STX6: variants seen among roughly 807,000 people sequenced by gnomAD.
STX6 encodes the protein syntaxin 6, also known as syntaxin-6.
A neutral mutation model predicts 38.0 loss-of-function variants in STX6; 23 were observed. That is an observed-to-expected ratio of 0.60 (90% CI 0.43 to 0.86). The LOEUF (loss-of-function observed/expected upper bound fraction) is 0.86. Ranked by LOEUF, STX6 falls within the 40% of genes least tolerant of loss-of-function variation. The probability of loss-of-function intolerance (pLI) is 0.00; values close to 1 mark genes in which losing one functional copy is unlikely to be tolerated. For missense variants in STX6, 274 were observed against 312.9 expected, an observed-to-expected ratio of 0.88 and a Z score of 0.94; for synonymous variants, 123 against 107.5, an observed-to-expected ratio of 1.14 and a Z score of -0.89.
At chr1:181,005,632 C>CT (rs1261836349) in intron 1 of STX6, among the ~76,000 whole-genome samples, 169 bp from the exon 2 acceptor site, 1 of 152,232 alleles carries the variant, frequency 6.6e-6, no homozygotes, top group Non-Finnish European at 1.5e-5. Context: ...GATACACAGT[C>CT]TGAGTATTAT....
intron 7 of STX6, among the ~76,000 whole-genome samples, chr1:180,983,311 A>C (rs986482984): frequency 1.1e-4 from 16 of 152,230 alleles, no homozygotes; most frequent in African/African-American, 3.9e-4. Context: ...ACAGAAGAAA[A>C]GGTGTCAAGA....
At chr1:181,018,375 T>G (rs1571357784) in intron 1 of STX6, among the ~76,000 whole-genome samples, 1 of 84,532 alleles carries the variant, frequency 1.2e-5, no homozygotes, top group African/African-American at 5.0e-5. Context: ...GGCGACAGAG[T>G]AAGACTCTGT....
chr1:181,001,629 C>T (rs539135015), intron 3 of STX6, among the ~76,000 whole-genome samples: 51 of 152,106 alleles, frequency 3.4e-4, no homozygotes, highest in Non-Finnish European at 5.1e-4. Context: ...CGGAAGAGGC[C>T]GCTATCCAAA....
intron 2 of STX6, among the ~76,000 whole-genome samples, chr1:181,004,536 G>A (rs547926783): frequency 1.3e-5 from 2 of 152,324 alleles, no homozygotes; most frequent in South Asian, 4.1e-4. Flanking sequence ...ACAGAGTTCA[G>A]GAAGCTTCCA....
chr1:180,998,560 T>C (rs1655983269), intron 3 of STX6, among the ~76,000 whole-genome samples: 2 of 152,006 alleles, frequency 1.3e-5, no homozygotes, highest in African/African-American at 4.8e-5. Context: ...TTTGTATTTT[T>C]AGTAGAGACA....
chr1:181,017,721 T>C (rs1006955753), intron 1 of STX6, among the ~76,000 whole-genome samples: 1 of 152,152 alleles, frequency 6.6e-6, no homozygotes, highest in Non-Finnish European at 1.5e-5. Context: ...GATTTAAATA[T>C]GATATTTTCA....
At chr1:180,995,031 C>T (rs1259754321) in intron 3 of STX6, among the ~76,000 whole-genome samples, 7 of 151,210 alleles carry the variant, frequency 4.6e-5, no homozygotes, top group Admixed American at 2.6e-4. Flanking sequence ...GACGTAATCT[C>T]GGCTCACTGC....
At chr1:180,985,244 T>C (rs1655541129) in intron 6 of STX6, among the ~76,000 whole-genome samples, 1 of 152,288 alleles carries the variant, frequency 6.6e-6, no homozygotes, top group Non-Finnish European at 1.5e-5. Context: ...GGCAGTGCAA[T>C]GTGGTAGAAA....
chr1:180,985,109 G>A (rs886310508), intron 6 of STX6, among the ~76,000 whole-genome samples: 2 of 151,354 alleles, frequency 1.3e-5, no homozygotes, highest in African/African-American at 4.9e-5. Flanking sequence ...TTCAGGTAAG[G>A]TTTTTCTGTA....
At chr1:180,980,713 CCTGG>C (rs936179403) in intron 7 of STX6, 21 of 152,106 alleles carry the variant, frequency 1.4e-4, no homozygotes, top group African/African-American at 5.1e-4. Flanking sequence ...CGCCACCACG[CCTGG>C]CTAATTTGCA....
In STX6 at chr1:180,973,692, A is replaced by G. The variant is rs1655179043; in HGVS notation, c.*2878T>C. On this transcript the variant is annotated 3_prime_UTR_variant, in exon 8 of 8. Transcript: ENST00000258301. ...CTGCATTTGCCACACAGTCCAGGGC[A>G]TATAGAGCATTGTGATTCTTCACAG... 1 of 152,706 alleles carries G rather than the reference A, an allele frequency of 6.5e-6. No homozygotes were observed. The highest frequency in any genetic ancestry group is 6.5e-5 in the Admixed American group (1 of 15,286). The allele number at this position is 152,706 out of a possible 1,614,324, so 9.5% of individuals were successfully genotyped here. A position where few individuals can be genotyped will look rare whatever the true frequency, so the allele number is the denominator to read the frequency against.
In STX6 at chr1:180,988,339, C is replaced by T. The variant is rs144912513; in HGVS notation, c.496G>A (p.Val166Met). 1.9e-5 allele frequency: 30 copies of T among 1,613,018 alleles called. No individual in the cohort carries two copies. Among genetic ancestry groups the T allele is most frequent in the South Asian group, 1.5e-4 (14 of 91,060 alleles). The change falls in exon 6 of 8, where the codon GTG becomes ATG. Residue 166 changes from valine to methionine, a missense_variant. Coordinates refer to ENST00000258301, the MANE Select transcript of STX6 (RefSeq NM_005819.6). ...TCCAACTGCTCATCCTGCTGTTCCA[C>T]GATCAACTGGTGCCAGAGAAATGGG... ...EEQQAQQQLI[V>M]EQQDEQLELV...
rs373582949 is a variant in STX6 at position 181,022,710 on chromosome 1, C to T, written c.-37G>A. ...CCCGGCCGCCTTCACCTCCTCCGCG[C>T]ACAGGGCGCCCGTGCCTCCCGGTCT... is the stretch of plus-strand genomic sequence containing the variant. On this transcript the variant is annotated 5_prime_UTR_variant, in exon 1 of 8. Transcript: ENST00000258301. 6.3e-7 allele frequency: 1 copy of T among 1,586,714 alleles called. No homozygotes were observed. The highest frequency in any genetic ancestry group is 1.1e-5 in the South Asian group (1 of 88,146).
chr1:181,006,148 C>T (rs933285318), intron 1 of STX6, among the ~76,000 whole-genome samples: 3 of 152,058 alleles, frequency 2.0e-5, no homozygotes, highest in East Asian at 1.9e-4. Flanking sequence ...CTGCAACCTC[C>T]ACCTCCCGGG....
rs188221992 is a variant in STX6 at position 181,018,195 on chromosome 1, C to T, written c.35+4444G>A. Among the ~76,000 whole-genome samples the T allele has an allele frequency of 1.3e-4, 19 of 151,886 alleles. No individual in the cohort carries two copies. The East Asian group carries it at 3.5e-3, about 28-fold the overall frequency. On this transcript the variant is annotated intron_variant, in intron 1 of 7. Coordinates refer to ENST00000258301, the MANE Select transcript of STX6 (RefSeq NM_005819.6). Reference sequence around the variant, plus strand: ...AGGTCAAAGTTCAAGACCAGCCTGGCTAACAGGGTGAAATGCCATCTCTAC... The same window carrying T: ...AGGTCAAAGTTCAAGACCAGCCTGGTTAACAGGGTGAAATGCCATCTCTAC...
In STX6 at chr1:180,974,616, T is replaced by G. The variant is rs970502766; in HGVS notation, c.*1954A>C. ...TAATTCCTTAAGATGCTGGTTTGCT[T>G]CTTATAATGTGTTGTGTGGATTACA... On this transcript the variant is annotated 3_prime_UTR_variant, in exon 8 of 8. Transcript: ENST00000258301. 8 of 152,656 alleles carry G rather than the reference T, an allele frequency of 5.2e-5. No individual in the cohort carries two copies. The highest frequency in any genetic ancestry group is 1.9e-4 in the African/African-American group (8 of 41,464). 9.5% of individuals were successfully genotyped at this position (152,656 alleles called of 1,614,324 possible). A position where few individuals can be genotyped will look rare whatever the true frequency, so the allele number is the denominator to read the frequency against.
Position 180,995,793 on chromosome 1 carries a change from G to A in STX6, c.301-2368C>T, listed in dbSNP as rs560203107. 7.9e-5 allele frequency among the ~76,000 whole-genome samples: 12 copies of A among 152,278 alleles called. No individual in the cohort carries two copies. In the East Asian group the frequency reaches 2.3e-3, roughly 29 times the overall value. ...TAAAAATATCAACATGCAAGTATGG[G>A]AAAGTGACATGTTAGCCTTTGAACA... On this transcript the variant is annotated intron_variant, in intron 3 of 7. Transcript: ENST00000258301.
At chr1:181,004,252 A>G (rs1453244769) in intron 2 of STX6, among the ~76,000 whole-genome samples, 1 of 152,104 alleles carries the variant, frequency 6.6e-6, no homozygotes, top group Non-Finnish European at 1.5e-5. Flanking sequence ...CTGCCCCCTC[A>G]TTTCTGGCAC....
intron 5 of STX6, 89 bp from the exon 6 acceptor site, chr1:180,988,434 C>CA: frequency 1.0e-6 from 1 of 955,288 alleles, no homozygotes; most frequent in East Asian, 2.5e-5. Flanking sequence ...GTTTCTTTGC[C>CA]AACTTGGGAC....
Sources: allele counts gnomAD v4.1 joint callset (sites outside exome capture counted in the v4.1 genomes callset), GRCh38; gene constraint gnomAD v4.1.1; transcripts MANE v1.5; gene names NCBI Gene and HGNC (gene_info 2026-07-23, HGNC 2026-07-21).